The following DMD variants were observed in gnomAD, a reference collection of about 807,000 sequenced individuals.
DMD encodes the protein dystrophin, also known as mutant dystrophin.
A neutral mutation model predicts 330.1 loss-of-function variants in DMD; 63 were observed. The observed-to-expected ratio is 0.19, with a 90% confidence interval of 0.16 to 0.24. DMD has a LOEUF of 0.24. Ranked by LOEUF, DMD falls within the 10% of genes least tolerant of loss-of-function variation. DMD has a pLI of 1.00. For missense variants in DMD, 3,344 were observed against 2,684.1 expected (o/e 1.25, Z -5.43); for synonymous variants, 1,223 against 959.8 (o/e 1.27, Z -5.07).
At chrX:31,496,663 C>A in intron 57 of DMD, 125 bp downstream of exon 57, 3 of 803,910 alleles carry the variant, frequency 3.7e-6, no homozygotes, top group Non-Finnish European at 5.4e-6. Context: ...TATAATTGAC[C>A]CTTGGGTGAG....
intron 1 of DMD, among the ~76,000 whole-genome samples, chrX:33,216,869 C>T (rs182828279): frequency 2.3e-3 from 252 of 110,799 alleles, no homozygotes; most frequent in African/African-American, 7.0e-3. Context: ...ATATGGTAAA[C>T]GTAAAGTGAA....
At chrX:32,262,194 G>C (rs1296323141) in intron 43 of DMD, among the ~76,000 whole-genome samples, 1 of 111,930 alleles carries the variant, frequency 8.9e-6, no homozygotes, top group Non-Finnish European at 1.9e-5. Flanking sequence ...ATCACACGGA[G>C]ATCATATTAT....
At chrX:31,383,758 G>T (rs1233212910) in intron 60 of DMD, among the ~76,000 whole-genome samples, 3 of 111,964 alleles carry the variant, frequency 2.7e-5, no homozygotes, top group Non-Finnish European at 5.6e-5. Context: ...GACTTCCGAG[G>T]GACAGCCTGG....
chrX:32,203,552 G>C (rs1457315205), intron 44 of DMD, among the ~76,000 whole-genome samples: 1 of 112,264 alleles, frequency 8.9e-6, no homozygotes, highest in Non-Finnish European at 1.9e-5. Flanking sequence ...AGGGTATTCT[G>C]AAAGGGAGGC....
At chrX:31,784,346 C>T (rs766998809) in intron 50 of DMD, among the ~76,000 whole-genome samples, 1 of 111,842 alleles carries the variant, frequency 8.9e-6, no homozygotes, top group East Asian at 2.8e-4. Context: ...CAGAAAATAA[C>T]ATGTGCTGGC....
chrX:32,894,435 C>T (rs1017623156), intron 2 of DMD, among the ~76,000 whole-genome samples: 3 of 112,773 alleles, frequency 2.7e-5, no homozygotes, highest in African/African-American at 9.7e-5. Context: ...CCTCGCAGCA[C>T]AGTGGTAGTG....
At chrX:31,990,775 T>C (rs1013399580) in intron 44 of DMD, among the ~76,000 whole-genome samples, 2 of 112,268 alleles carry the variant, frequency 1.8e-5, no homozygotes, top group Non-Finnish European at 3.8e-5. Flanking sequence ...TAAAGTATGC[T>C]ACTAAATCTG....
At chrX:32,527,520 C>G (rs2047032717) in intron 17 of DMD, among the ~76,000 whole-genome samples, 1 of 109,985 alleles carries the variant, frequency 9.1e-6, no homozygotes, top group African/African-American at 3.3e-5. Flanking sequence ...CCTCTCTCTA[C>G]TCTTCCCCTT....
chrX:31,763,518 G>A (rs1448768983), intron 51 of DMD, among the ~76,000 whole-genome samples: 2 of 112,014 alleles, frequency 1.8e-5, no homozygotes, highest in Non-Finnish European at 3.8e-5. Context: ...AGCCGAGATC[G>A]TGCCACTGCA....
intron 47 of DMD, among the ~76,000 whole-genome samples, chrX:31,890,324 C>T (rs1341245419): frequency 1.3e-5 from 1 of 79,153 alleles, no homozygotes; most frequent in East Asian, 3.7e-4. Context: ...GCCTGGGAGG[C>T]AACATAGTGA....
chrX:32,181,211 A>G (rs144564257), intron 44 of DMD, among the ~76,000 whole-genome samples: 52 of 111,828 alleles, frequency 4.7e-4, no homozygotes, highest in East Asian at 1.7e-3. Context: ...CTTAGAATGT[A>G]GGTACTCAGA....
chrX:32,570,239 C>A (rs756201760), intron 15 of DMD, among the ~76,000 whole-genome samples: 1 of 111,440 alleles, frequency 9.0e-6, no homozygotes, highest in East Asian at 2.8e-4. Context: ...ACAGATGGTA[C>A]CTGTTTTGGG....
chrX:31,440,749 T>A lies in DMD; in HGVS notation c.9084+3732A>T, dbSNP rs182431219. Among the ~76,000 whole-genome samples the A allele has an allele frequency of 1.1e-4, 12 of 112,497 alleles. No homozygotes were observed. In the East Asian group the frequency reaches 3.1e-3, roughly 29 times the overall value. ...GTTTCCTACACCACAAAAAGTCAAA[T>A]GGTCAAATAGTAACATGCATACCAA... On this transcript the variant is annotated intron_variant, in intron 60 of 78. Transcript: ENST00000357033.
intron 57 of DMD, among the ~76,000 whole-genome samples, chrX:31,483,812 A>T (rs745815934): frequency 8.9e-6 from 1 of 112,274 alleles, no homozygotes; most frequent in African/African-American, 3.2e-5. Context: ...AATGGCAATA[A>T]TTCTTATCAT....
At chrX:33,020,932 G>T (rs2093902483) in intron 1 of DMD, among the ~76,000 whole-genome samples, 3 of 110,696 alleles carry the variant, frequency 2.7e-5, no homozygotes, top group Non-Finnish European at 5.7e-5. Context: ...TCTAACATGG[G>T]CCTGATCTCA....
rs185921823 is a variant in DMD, at chrX:31,119,972, C to G, written c.*1947G>C. On this transcript the variant is annotated 3_prime_UTR_variant, in exon 79 of 79. Coordinates refer to ENST00000357033, the MANE Select transcript of DMD (RefSeq NM_004006.3). The stretch of plus-strand genomic sequence containing the variant: ...CACAATTATCAGGAACACCCCAAAA[C>G]CAAAGTGAGGTAGAAATAGCATGAG... 3 of 110,637 alleles carry G rather than the reference C, an allele frequency of 2.7e-5. No homozygotes were observed. Among genetic ancestry groups the G allele is most frequent in the African/African-American group, 6.6e-5 (2 of 30,397 alleles). 9.1% of individuals were successfully genotyped at this position (110,637 alleles called of 1,213,427 possible). A position where few individuals can be genotyped will look rare whatever the true frequency, so the allele number is the denominator to read the frequency against.
chrX:31,212,146 T>TTATATATATA (rs375944446), intron 64 of DMD, among the ~76,000 whole-genome samples: 7 of 91,758 alleles, frequency 7.6e-5, no homozygotes, highest in African/African-American at 3.0e-4. Context: ...ATTAAATATA[T>TTATATATATA]TATATATATA....
At chrX:33,302,313 A>T in intron 1 of DMD, among the ~76,000 whole-genome samples, 1 of 111,615 alleles carries the variant, frequency 9.0e-6, no homozygotes, top group Non-Finnish European at 1.9e-5. Flanking sequence ...CTCTTTATGC[A>T]TATTGCCAAA....
Position 32,501,749 on chromosome X carries a change from A to C in DMD, c.2380+6T>G. On this transcript the variant is annotated splice_donor_region_variant and intron_variant, in intron 19 of 78. Transcript: ENST00000357033. ...GAAGATTATCTAAATCAACTCGTGT[A>C]ATTACCATTCACCATCTGTTCCACC... 2.5e-6 allele frequency: 3 copies of C among 1,191,666 alleles called. No individual in the cohort carries two copies. In the South Asian group the frequency reaches 5.4e-5, roughly 21 times the overall value.
Sources: gnomAD v4.1 joint callset for allele counts (sites outside exome capture counted in the v4.1 genomes callset) on GRCh38, gnomAD v4.1.1 for gene constraint, MANE v1.5 for transcripts, NCBI Gene and HGNC (gene_info 2026-07-23, HGNC 2026-07-21) for gene names.